RCAN2: variants seen among roughly 807,000 people sequenced by gnomAD.
RCAN2 encodes calcipressin-2.
In RCAN2, 9 loss-of-function variants were observed where a neutral mutation model predicts 23.6. The ratio of observed to expected loss-of-function variants is 0.38; its 90% confidence interval spans 0.23 to 0.67. The LOEUF (loss-of-function observed/expected upper bound fraction) is 0.67, where lower values mean the gene tolerates loss of function less well. Ranked by LOEUF, RCAN2 falls within the 30% of genes least tolerant of loss-of-function variation. The pLI is 0.51. For missense variants in RCAN2, 273 were observed against 302.3 expected (o/e 0.90, Z 0.72); for synonymous variants, 109 against 115.7 (o/e 0.94, Z 0.37).
chr6:46,286,170 C>T (rs1762366520), intron 2 of RCAN2, among the ~76,000 whole-genome samples: 1 of 152,176 alleles, frequency 6.6e-6, no homozygotes, highest in African/African-American at 2.4e-5. Flanking sequence ...ACTATAAACT[C>T]CAGTCAGCGA....
At chr6:46,365,490 AAAG>A (rs1188775720) in intron 2 of RCAN2, among the ~76,000 whole-genome samples, 1 of 151,914 alleles carries the variant, frequency 6.6e-6, no homozygotes, top group African/African-American at 2.4e-5. Flanking sequence ...AAAGAAAAGA[AAAG>A]AAAAGAAAAG....
At chr6:46,339,658 C>T (rs6910772) in intron 2 of RCAN2, among the ~76,000 whole-genome samples, 63,857 of 151,652 alleles carry the variant, frequency 0.42, 14,835 homozygotes, top group East Asian at 0.6. Flanking sequence ...GTAAAAGCTA[C>T]GACAGTAGCT....
chr6:46,286,837 T>C (rs141788258), intron 2 of RCAN2, among the ~76,000 whole-genome samples: 85 of 151,986 alleles, frequency 5.6e-4, no homozygotes, highest in African/African-American at 2.0e-3. Context: ...ACCCCATCTC[T>C]ACTAAAAATA....
intron 2 of RCAN2, among the ~76,000 whole-genome samples, chr6:46,325,191 A>G (rs1191282896): frequency 6.6e-6 from 1 of 152,242 alleles, no homozygotes; most frequent in African/African-American, 2.4e-5. Context: ...ACAATGGCAG[A>G]CCTTGTCATA....
At chr6:46,354,847 T>C (rs1416142636) in intron 2 of RCAN2, among the ~76,000 whole-genome samples, 1 of 152,054 alleles carries the variant, frequency 6.6e-6, no homozygotes, top group Non-Finnish European at 1.5e-5. Flanking sequence ...ATTATGAGCT[T>C]TCTAATCTTC....
intron 2 of RCAN2, among the ~76,000 whole-genome samples, chr6:46,331,762 T>C (rs1763981572): frequency 2.0e-5 from 3 of 152,222 alleles, no homozygotes; most frequent in Non-Finnish European, 2.9e-5. Context: ...CTAGAAAATA[T>C]GTAAATATTT....
chr6:46,366,410 C>G (rs1043631046), intron 2 of RCAN2, among the ~76,000 whole-genome samples: 5 of 152,132 alleles, frequency 3.3e-5, no homozygotes, highest in African/African-American at 4.8e-5. Context: ...TTCCAAAGAT[C>G]ACTGGCCATA....
intron 2 of RCAN2, among the ~76,000 whole-genome samples, chr6:46,348,771 A>C (rs1009139389): frequency 2.0e-5 from 3 of 152,224 alleles, no homozygotes; most frequent in Non-Finnish European, 4.4e-5. Flanking sequence ...AGGGAAGGAC[A>C]ATCAGCAACG....
chr6:46,347,305 C>T (rs968875910), intron 2 of RCAN2, among the ~76,000 whole-genome samples: 1 of 152,174 alleles, frequency 6.6e-6, no homozygotes, highest in African/African-American at 2.4e-5. Context: ...ATGGAGCTCT[C>T]CCTCCTGGGT....
intron 4 of RCAN2, among the ~76,000 whole-genome samples, chr6:46,237,583 A>G (rs1446568650): frequency 1.3e-5 from 2 of 152,148 alleles, no homozygotes; most frequent in South Asian, 2.1e-4. Context: ...TCTCCCTTCA[A>G]TCCTGGGCAG....
intron 2 of RCAN2, among the ~76,000 whole-genome samples, chr6:46,342,308 C>G (rs1363619712): frequency 1.3e-5 from 2 of 152,088 alleles, no homozygotes; most frequent in African/African-American, 4.8e-5. Context: ...TTTCTTTGTG[C>G]TGTGTCTCTG....
intron 2 of RCAN2, among the ~76,000 whole-genome samples, chr6:46,415,387 A>G (rs1766679198): frequency 6.6e-6 from 1 of 152,194 alleles, no homozygotes; most frequent in Non-Finnish European, 1.5e-5. Context: ...TAAATGAGAT[A>G]AGGAAAACAG....
chr6:46,485,178 G>C (rs73457924), intron 1 of RCAN2, among the ~76,000 whole-genome samples: 20,266 of 152,068 alleles, frequency 0.13, 1,979 homozygotes, highest in African/African-American at 0.24. Flanking sequence ...TTAAATAATT[G>C]GGAACAATCT....
At chr6:46,419,247 C>T (rs1422258482) in intron 2 of RCAN2, among the ~76,000 whole-genome samples, 1 of 152,134 alleles carries the variant, frequency 6.6e-6, no homozygotes, top group East Asian at 1.9e-4. Context: ...GCCTTTTAAC[C>T]AATAAGCCAG....
intron 2 of RCAN2, among the ~76,000 whole-genome samples, chr6:46,385,643 G>A (rs553119980): frequency 1.3e-5 from 2 of 152,124 alleles, no homozygotes; most frequent in East Asian, 1.9e-4. Context: ...GATCACTTGA[G>A]GTCAGGAGTT....
chr6:46,428,859 C>T (rs946254642), intron 2 of RCAN2, among the ~76,000 whole-genome samples: 2 of 152,194 alleles, frequency 1.3e-5, no homozygotes, highest in African/African-American at 4.8e-5. Flanking sequence ...GTTAAAATCT[C>T]TTGACAGGTG....
chr6:46,248,851 A>G lies in RCAN2; in HGVS notation c.271T>C (p.Phe91Leu). 6.2e-7 allele frequency: 1 copy of G among 1,612,874 alleles called. No individual in the cohort carries two copies. Among genetic ancestry groups the G allele is most frequent in the Non-Finnish European group, 8.5e-7 (1 of 1,179,714 alleles). The part of the protein sequence containing the change: ...LFRTYDDCVT[F>L]QLFKSFRRVR... Reference sequence around the variant, plus strand: ...CGTCTGAAACTCTTAAATAGCTGGAACGTCACACAGTCATCATAAGTCCGA... The same window carrying G: ...CGTCTGAAACTCTTAAATAGCTGGAGCGTCACACAGTCATCATAAGTCCGA... Residue 91 changes from phenylalanine (F) to leucine (L), a missense_variant, in exon 3 of 5, where the codon TTC becomes CTC. By Grantham distance (22) the Phe-to-Leu change is conservative. Coordinates refer to ENST00000371374, the MANE Select transcript of RCAN2 (RefSeq NM_001251974.2).
chr6:46,457,496 T>C (rs1312875406), intron 1 of RCAN2, among the ~76,000 whole-genome samples: 1 of 152,132 alleles, frequency 6.6e-6, no homozygotes, highest in East Asian at 1.9e-4. Context: ...TCAGGGAAAC[T>C]GGCACCAGAG....
At chr6:46,394,651 CT>C (rs1424155353) in intron 2 of RCAN2, among the ~76,000 whole-genome samples, 1 of 152,142 alleles carries the variant, frequency 6.6e-6, no homozygotes, top group Non-Finnish European at 1.5e-5. Context: ...CCTGTAAGGC[CT>C]TTTGCTTTTA....
Sources: allele counts gnomAD v4.1 joint callset (sites outside exome capture counted in the v4.1 genomes callset), GRCh38; gene constraint gnomAD v4.1.1; transcripts MANE v1.5; gene names NCBI Gene and HGNC (gene_info 2026-07-23, HGNC 2026-07-21).